PKHD1: variants seen among roughly 807,000 people sequenced by gnomAD.
PKHD1 encodes the protein PKHD1 ciliary IPT domain containing fibrocystin/polyductin.
PKHD1 carries 291 observed loss-of-function variants against 412.0 expected under a neutral mutation model. The ratio of observed to expected loss-of-function variants is 0.71; its 90% CI spans 0.64 to 0.78. PKHD1 has a LOEUF of 0.78. Ranked by LOEUF, PKHD1 falls within the 30% of genes least tolerant of loss-of-function variation. PKHD1 has a pLI of 0.00. For synonymous variants in PKHD1, 1,777 were observed against 1,821.5 expected (o/e 0.98, Z 0.62); for missense variants, 4,825 against 4,950.7 (o/e 0.97, Z 0.76).
At chr6:51,985,018 GA>G (rs141221638) in intron 35 of PKHD1, among the ~76,000 whole-genome samples, 12,674 of 140,548 alleles carry the variant, frequency 0.09, 579 homozygotes, top group East Asian at 0.15. Context: ...TTTTTCCATA[GA>G]AAAAAAAAAC....
At chr6:51,822,212 A>G (rs115338726) in intron 52 of PKHD1, among the ~76,000 whole-genome samples, 2,169 of 152,322 alleles carry the variant, frequency 0.014, 49 homozygotes, top group African/African-American at 0.05. Flanking sequence ...AGATATGGGT[A>G]TCCTTGAAGA....
In PKHD1 at chr6:51,897,309, G is replaced by A. The variant is rs901158826; in HGVS notation, c.6996+6288C>T. 3.8e-4 allele frequency among the ~76,000 whole-genome samples: 58 copies of A among 152,022 alleles called. 1 individual carries two copies. The highest frequency in any genetic ancestry group is 1.3e-3 in the African/African-American group (54 of 41,472). ...AGGGAAGCCCATCAGACTAACAGCG[G>A]ATCTCTTGGCAGAAACCCTACAAGC... On this transcript the variant is annotated intron_variant, in intron 43 of 66. Coordinates refer to ENST00000371117, the MANE Select transcript of PKHD1 (RefSeq NM_138694.4).
chr6:51,797,867 T>G (rs1794844845), intron 52 of PKHD1, among the ~76,000 whole-genome samples: 1 of 152,164 alleles, frequency 6.6e-6, no homozygotes, highest in Non-Finnish European at 1.5e-5. Context: ...CTAGTTATTT[T>G]GCAGACTTGT....
chr6:51,994,326 G>A (rs1797449899), intron 35 of PKHD1, among the ~76,000 whole-genome samples: 1 of 151,976 alleles, frequency 6.6e-6, no homozygotes, highest in Middle Eastern at 3.4e-3. Context: ...TAATAGAGAC[G>A]GGGTTTCACC....
chr6:51,622,845 T>G (rs1051200997), intron 66 of PKHD1: 1 of 152,170 alleles, frequency 6.6e-6, no homozygotes, highest in Non-Finnish European at 1.5e-5. Flanking sequence ...ATGTTCTAAA[T>G]AGTCAAATTT....
Position 51,746,901 on chromosome 6 carries a change from A to C in PKHD1, c.9830-12T>G, listed in dbSNP as rs1410164952. On this transcript the variant is annotated splice_polypyrimidine_tract_variant and intron_variant, in intron 58 of 66. Transcript: ENST00000371117. ...AGAAAAGGTAACATCTGAAATTTTAAAAATATGTATCATAATATTATATCA... is the reference window on the plus strand; with the variant it reads ...AGAAAAGGTAACATCTGAAATTTTACAAATATGTATCATAATATTATATCA... 6.7e-7 allele frequency: 1 copy of C among 1,485,282 alleles called. No individual in the cohort carries two copies. The highest frequency in any genetic ancestry group is 9.3e-7 in the Non-Finnish European group (1 of 1,071,664). 92.0% of individuals were successfully genotyped at this position (1,485,282 alleles called of 1,614,324 possible). A position where few individuals can be genotyped will look rare whatever the true frequency, so the allele number is the denominator to read the frequency against.
chr6:51,725,692 A>G (rs1782491452), intron 60 of PKHD1, among the ~76,000 whole-genome samples: 1 of 152,226 alleles, frequency 6.6e-6, no homozygotes, highest in African/African-American at 2.4e-5. Flanking sequence ...TTCACAGGTC[A>G]TTATTGCATT....
Position 51,903,832 on chromosome 6 carries a change from C to CATATATATATATATATATAT in PKHD1, c.6866-125_6866-106dup, listed in dbSNP as rs66966800. The CATATATATATATATATATAT allele has an allele frequency of 4.0e-4, 176 of 435,326 alleles. 3 individuals are homozygous for CATATATATATATATATATAT. The highest frequency in any genetic ancestry group is 3.8e-3 in the African/African-American group (152 of 39,880). The allele number at this position is 435,326 out of a possible 1,614,324, so 27.0% of individuals were successfully genotyped here. A position where few individuals can be genotyped will look rare whatever the true frequency, so the allele number is the denominator to read the frequency against. Reference sequence around the variant, plus strand: ...ACATCAGAGTTCACATAATGCATTTCATATATATATATATATATATATATA... The same window carrying CATATATATATATATATATAT: ...ACATCAGAGTTCACATAATGCATTTCATATATATATATATATATATATATATATATATATATATATATATA... On this transcript the variant is annotated intron_variant, in intron 42 of 66. Coordinates refer to ENST00000371117, the MANE Select transcript of PKHD1 (RefSeq NM_138694.4).
At chr6:51,737,406 C>A (rs1285902413) in intron 60 of PKHD1, among the ~76,000 whole-genome samples, 1 of 152,068 alleles carries the variant, frequency 6.6e-6, no homozygotes, top group Non-Finnish European at 1.5e-5. Flanking sequence ...GAAAAATGAT[C>A]CATTTAAAAA....
chr6:51,714,311 A>G (rs1431000795), intron 60 of PKHD1, among the ~76,000 whole-genome samples: 1 of 152,276 alleles, frequency 6.6e-6, no homozygotes, highest in East Asian at 1.9e-4. Flanking sequence ...CGAAGGTTGC[A>G]GTGAGCTGAG....
intron 37 of PKHD1, among the ~76,000 whole-genome samples, chr6:51,922,934 C>T (rs1425913228): frequency 6.6e-6 from 1 of 152,332 alleles, no homozygotes; most frequent in South Asian, 2.1e-4. Flanking sequence ...GGCTCACACT[C>T]CATGGGCTGC....
At chr6:51,729,863 T>C (rs1783041781) in intron 60 of PKHD1, among the ~76,000 whole-genome samples, 1 of 152,172 alleles carries the variant, frequency 6.6e-6, no homozygotes, top group African/African-American at 2.4e-5. Flanking sequence ...ATAATATTAA[T>C]ATCTCCAAGT....
intron 34 of PKHD1, among the ~76,000 whole-genome samples, chr6:52,013,035 T>C (rs1188849283): frequency 6.6e-6 from 1 of 152,220 alleles, no homozygotes; most frequent in Non-Finnish European, 1.5e-5. Flanking sequence ...CCCCTTCTCA[T>C]GGTTCATTGC....
intron 60 of PKHD1, among the ~76,000 whole-genome samples, chr6:51,722,243 A>G (rs886278572): frequency 3.9e-5 from 6 of 152,134 alleles, no homozygotes; most frequent in African/African-American, 1.4e-4. Context: ...TACAGATTAT[A>G]CATTTCTAGG....
intron 29 of PKHD1, 87 bp from the exon 30 acceptor site, chr6:52,028,438 T>A: frequency 1.6e-6 from 2 of 1,270,652 alleles, no homozygotes; most frequent in Non-Finnish European, 2.3e-6. Context: ...CTTTTTGGAT[T>A]AAATTCACAG....
intron 60 of PKHD1, among the ~76,000 whole-genome samples, chr6:51,704,531 G>A (rs755743289): frequency 1.3e-5 from 2 of 152,060 alleles, no homozygotes; most frequent in Admixed American, 6.6e-5. Context: ...TCAGGTAAAA[G>A]CTCACACCAA....
chr6:51,707,022 C>T (rs902252282), intron 60 of PKHD1, among the ~76,000 whole-genome samples: 1 of 152,098 alleles, frequency 6.6e-6, no homozygotes, highest in African/African-American at 2.4e-5. Context: ...GTGGTGATTA[C>T]TAAAACATGT....
chr6:51,978,570 T>G (rs540531541), intron 35 of PKHD1, among the ~76,000 whole-genome samples: 1 of 152,112 alleles, frequency 6.6e-6, no homozygotes, highest in Admixed American at 6.5e-5. Flanking sequence ...TAGGGGAAGT[T>G]TGGGGTTCTT....
At chr6:51,971,836 TC>T (rs1187717700) in intron 35 of PKHD1, among the ~76,000 whole-genome samples, 2 of 152,078 alleles carry the variant, frequency 1.3e-5, no homozygotes, top group African/African-American at 2.4e-5. Context: ...GATCAAGCAA[TC>T]CTCCCACCCC....
Sources: gnomAD v4.1 joint callset for allele counts (sites outside exome capture counted in the v4.1 genomes callset) on GRCh38, gnomAD v4.1.1 for gene constraint, MANE v1.5 for transcripts, NCBI Gene and HGNC (gene_info 2026-07-23, HGNC 2026-07-21) for gene names.